PRH1: variants seen among roughly 807,000 people sequenced by gnomAD.
PRH1 encodes the protein proline rich protein HaeIII subfamily 1, also known as salivary acidic proline-rich phosphoprotein 1/2.
In PRH1, 7 loss-of-function variants were observed where a neutral mutation model predicts 7.9. The ratio of observed to expected loss-of-function variants is 0.89; its 90% CI spans 0.50 to 1.67. The LOEUF is 1.67. Among genes scored for constraint, PRH1 ranks in the 40% most tolerant of loss-of-function variants. The probability of loss-of-function intolerance (pLI) is 0.00; values close to 1 mark genes in which losing one functional copy is unlikely to be tolerated. For missense variants in PRH1, 109 were observed against 223.6 expected (o/e 0.49, Z 3.27); for synonymous variants, 45 against 80.8 (o/e 0.56, Z 2.38).
intron 1 of PRH1, among the ~76,000 whole-genome samples, chr12:11,099,628 T>C (rs545054625): frequency 2.6e-5 from 4 of 152,002 alleles, no homozygotes; most frequent in Non-Finnish European, 5.9e-5. Flanking sequence ...ACCCTGGAGG[T>C]GGAGGTTGCA....
upstream of PRH1, among the ~76,000 whole-genome samples, chr12:10,885,052 T>C (rs1007426489): frequency 2.6e-5 from 4 of 152,250 alleles, no homozygotes; most frequent in African/African-American, 9.6e-5. Flanking sequence ...CACGATGTCA[T>C]ATAGCTAAGA....
chr12:10,903,521 C>T (rs1949753276), intron 2 of PRH1, among the ~76,000 whole-genome samples: 1 of 151,854 alleles, frequency 6.6e-6, no homozygotes, highest in Admixed American at 6.6e-5. Context: ...ATTGAAGGAA[C>T]ATACCTCAAA....
intron 1 of PRH1, among the ~76,000 whole-genome samples, chr12:11,156,631 G>A (rs1366314540): frequency 6.6e-6 from 1 of 151,922 alleles, no homozygotes; most frequent in Non-Finnish European, 1.5e-5. Flanking sequence ...CTAATTGATT[G>A]TTAAATATTG....
At chr12:10,986,664 C>G (rs748975549) in intron 1 of PRH1, 2 of 1,611,896 alleles carry the variant, frequency 1.2e-6, no homozygotes, top group Admixed American at 3.4e-5. Context: ...AGTTAAATAC[C>G]AATTTAATAA....
intron 1 of PRH1, chr12:10,986,294 A>G (rs1330605374): frequency 1.9e-6 from 3 of 1,613,998 alleles, no homozygotes; most frequent in Non-Finnish European, 2.5e-6. Context: ...TCAGGGACAG[A>G]GTAAAGGGTA....
At chr12:10,942,225 G>T (rs574240200) in intron 2 of PRH1, among the ~76,000 whole-genome samples, 4 of 152,238 alleles carry the variant, frequency 2.6e-5, no homozygotes, top group African/African-American at 9.6e-5. Context: ...TCTTTCTAGA[G>T]AGCATCAGCT....
At chr12:11,133,323 G>A (rs761429313) in intron 1 of PRH1, 1 of 1,613,684 alleles carries the variant, frequency 6.2e-7, no homozygotes, top group South Asian at 1.1e-5. Flanking sequence ...AATCTATGGA[G>A]ACGAAGGCTT....
intron 2 of PRH1, among the ~76,000 whole-genome samples, chr12:10,966,853 C>T (rs183588232): frequency 1.0e-3 from 157 of 152,252 alleles, no homozygotes; most frequent in Middle Eastern, 0.01. Flanking sequence ...CGGTGGCTCA[C>T]GCCTGTAATC....
chr12:11,164,416 T>C (rs1242646986), intron 1 of PRH1, among the ~76,000 whole-genome samples: 4 of 152,184 alleles, frequency 2.6e-5, no homozygotes, highest in Admixed American at 2.0e-4. Context: ...CCATAATCAA[T>C]TGAGCCAATC....
chr12:10,900,848 C>T (rs1347534919), intron 2 of PRH1, among the ~76,000 whole-genome samples: 2 of 152,030 alleles, frequency 1.3e-5, no homozygotes, highest in East Asian at 1.9e-4. Flanking sequence ...CATGCCTAGG[C>T]AGATCCCAGG....
intron 1 of PRH1, among the ~76,000 whole-genome samples, chr12:10,999,145 G>T (rs1302027108): frequency 1.3e-5 from 2 of 152,078 alleles, no homozygotes; most frequent in African/African-American, 4.8e-5. Context: ...AATATCTAAT[G>T]TGGTTTTGGA....
intron 1 of PRH1, among the ~76,000 whole-genome samples, chr12:11,162,149 C>T (rs903880507): frequency 4.6e-5 from 7 of 152,138 alleles, no homozygotes; most frequent in African/African-American, 1.7e-4. Context: ...TGAAGAACAT[C>T]CAGAGGGTAA....
chr12:11,069,734 A>G (rs1428529491), intron 1 of PRH1, among the ~76,000 whole-genome samples: 6 of 152,200 alleles, frequency 3.9e-5, no homozygotes, highest in Admixed American at 3.9e-4. Context: ...ATAAACCAAG[A>G]GCAAAATGGA....
downstream of PRH1, among the ~76,000 whole-genome samples, chr12:11,118,505 A>T (rs1945794779): frequency 6.6e-6 from 1 of 152,184 alleles, no homozygotes; most frequent in Non-Finnish European, 1.5e-5. Context: ...TATGGAAAAC[A>T]GTTTAAAGGT....
intron 1 of PRH1, among the ~76,000 whole-genome samples, chr12:10,981,632 C>T (rs1218297943): frequency 2.0e-5 from 3 of 152,032 alleles, no homozygotes; most frequent in Non-Finnish European, 4.4e-5. Context: ...ACTCAGCCAC[C>T]CAAAGTGCTG....
intron 1 of PRH1, among the ~76,000 whole-genome samples, chr12:11,100,063 T>A (rs1945190829): frequency 6.6e-6 from 1 of 152,226 alleles, no homozygotes; most frequent in African/African-American, 2.4e-5. Context: ...AACTAATTGA[T>A]TTTTCCCTTC....
chr12:11,101,180 G>C (rs1378309432), intron 1 of PRH1, among the ~76,000 whole-genome samples: 1 of 152,048 alleles, frequency 6.6e-6, no homozygotes, highest in Non-Finnish European at 1.5e-5. Context: ...CTCTTCTTTT[G>C]TGTGAATTAA....
chr12:11,103,650 C>T (rs1945323429), intron 1 of PRH1, among the ~76,000 whole-genome samples: 2 of 151,818 alleles, frequency 1.3e-5, no homozygotes, highest in African/African-American at 2.4e-5. Flanking sequence ...AACAAACCTG[C>T]ACATTGTGCA....
At chr12:10,955,537 A>C (rs1937910277) in intron 2 of PRH1, among the ~76,000 whole-genome samples, 2 of 152,178 alleles carry the variant, frequency 1.3e-5, no homozygotes, top group Non-Finnish European at 2.9e-5. Context: ...AAACAAGAGC[A>C]AACCAATGCC....
Sources: allele counts gnomAD v4.1 joint callset (sites outside exome capture counted in the v4.1 genomes callset), GRCh38; gene constraint gnomAD v4.1.1; transcripts MANE v1.5; gene names NCBI Gene and HGNC (gene_info 2026-07-23, HGNC 2026-07-21).